Variants in PTPRT observed in about 807,000 individuals in gnomAD.
PTPRT encodes protein tyrosine phosphatase receptor type T, also known as receptor-type tyrosine-protein phosphatase T.
A neutral mutation model predicts 176.8 loss-of-function variants in PTPRT; 56 were observed. The ratio of observed to expected loss-of-function variants is 0.32; its 90% CI spans 0.26 to 0.40. The LOEUF (loss-of-function observed/expected upper bound fraction) is 0.40, where lower values mean the gene tolerates loss of function less well. Ranked by LOEUF, PTPRT falls within the 10% of genes least tolerant of loss-of-function variation. The probability of loss-of-function intolerance (pLI) is 1.00; values close to 1 mark genes in which losing one functional copy is unlikely to be tolerated. For synonymous variants in PTPRT, 783 were observed against 739.0 expected (o/e 1.06, Z -0.96); for missense variants, 1,540 against 1,908.2 (o/e 0.81, Z 3.60).
At chr20:42,211,653 G>A (rs6065442) in intron 15 of PTPRT, among the ~76,000 whole-genome samples, 38,243 of 145,748 alleles carry the variant, frequency 0.26, 6,303 homozygotes, top group African/African-American at 0.46. Context: ...AACAACAGGT[G>A]CTGGAGAGGA....
At chr20:42,401,469 T>C (rs2058906612) in intron 9 of PTPRT, among the ~76,000 whole-genome samples, 1 of 152,274 alleles carries the variant, frequency 6.6e-6, no homozygotes, top group East Asian at 1.9e-4. Context: ...ACAGTAATAA[T>C]GTCTGTAAGG....
chr20:42,541,922 T>C (rs1348774815), intron 7 of PTPRT, among the ~76,000 whole-genome samples: 3 of 152,122 alleles, frequency 2.0e-5, no homozygotes, highest in Admixed American at 6.5e-5. Flanking sequence ...CACCCAAATC[T>C]CCTCTTGAAT....
intron 19 of PTPRT, among the ~76,000 whole-genome samples, chr20:42,123,967 C>T (rs1484850861): frequency 1.3e-5 from 2 of 152,138 alleles, no homozygotes; most frequent in East Asian, 1.9e-4. Context: ...ATGGCCATGT[C>T]CCCAGCACCT....
At chr20:42,190,769 T>C (rs1214410653) in intron 16 of PTPRT, among the ~76,000 whole-genome samples, 3 of 152,214 alleles carry the variant, frequency 2.0e-5, no homozygotes, top group African/African-American at 7.2e-5. Context: ...ACTCAGTGTC[T>C]GTGGCCTTAA....
intron 1 of PTPRT, among the ~76,000 whole-genome samples, chr20:43,094,420 C>T (rs147908327): frequency 0.092 from 6,934 of 75,012 alleles, 272 homozygotes; most frequent in Middle Eastern, 0.16. Flanking sequence ...TTTTTTCAGA[C>T]GGAGTTTCGC....
chr20:42,793,950 G>A lies in PTPRT; in HGVS notation c.215-2484C>T, dbSNP rs149749006. On this transcript the variant is annotated intron_variant, in intron 2 of 30. Coordinates refer to ENST00000373187, the MANE Select transcript of PTPRT (RefSeq NM_007050.6). The stretch of plus-strand genomic sequence containing the variant: ...CTCCTCTCTGAATCCCATGATACCC[G>A]CATGCACATTTCAGCTCCTGTCCTC... Among the ~76,000 whole-genome samples, 705 of 152,222 alleles carry A rather than the reference G, an allele frequency of 4.6e-3. 9 individuals are homozygous for A. Among genetic ancestry groups the A allele is most frequent in the African/African-American group, 0.016 (673 of 41,530 alleles).
chr20:42,602,768 A>G (rs1173541962), intron 7 of PTPRT, among the ~76,000 whole-genome samples: 2 of 152,106 alleles, frequency 1.3e-5, no homozygotes, highest in Non-Finnish European at 2.9e-5. Flanking sequence ...CAGAACAAGG[A>G]GCAGGGGCTT....
At chr20:42,565,479 T>G (rs1364201844) in intron 7 of PTPRT, among the ~76,000 whole-genome samples, 1 of 151,798 alleles carries the variant, frequency 6.6e-6, no homozygotes, top group Non-Finnish European at 1.5e-5. Flanking sequence ...CAGCTGTGAC[T>G]GAGCCTCTGG....
intron 9 of PTPRT, among the ~76,000 whole-genome samples, chr20:42,385,012 A>G (rs2058731806): frequency 6.6e-6 from 1 of 152,134 alleles, no homozygotes; most frequent in African/African-American, 2.4e-5. Context: ...TGGTATGCAA[A>G]TATTTTCTTC....
intron 7 of PTPRT, among the ~76,000 whole-genome samples, chr20:42,536,872 C>T (rs1309867584): frequency 2.0e-5 from 3 of 152,072 alleles, no homozygotes; most frequent in Non-Finnish European, 4.4e-5. Flanking sequence ...TTTGGCAAGA[C>T]CTATATCTAA....
chr20:43,130,337 C>G (rs992466802), intron 1 of PTPRT, among the ~76,000 whole-genome samples: 3 of 152,140 alleles, frequency 2.0e-5, no homozygotes, highest in Non-Finnish European at 4.4e-5. Flanking sequence ...TACCCCACCC[C>G]CTACCCCCAG....
intron 6 of PTPRT, among the ~76,000 whole-genome samples, chr20:42,740,142 T>A (rs181181836): frequency 5.9e-5 from 9 of 152,294 alleles, no homozygotes; most frequent in Non-Finnish European, 1.5e-5. Flanking sequence ...CCCTTGAGGT[T>A]GTTAAACTAC....
intron 22 of PTPRT, among the ~76,000 whole-genome samples, chr20:42,113,066 C>T (rs1987088914): frequency 2.0e-5 from 3 of 152,142 alleles, no homozygotes; most frequent in Admixed American, 2.0e-4. Context: ...TCCAGGTTCC[C>T]AGCTCAGGAA....
downstream of PTPRT, among the ~76,000 whole-genome samples, chr20:42,072,355 T>C (rs1982385730): frequency 6.6e-6 from 1 of 152,208 alleles, no homozygotes; most frequent in Non-Finnish European, 1.5e-5. Context: ...TTCTTTCAAG[T>C]TACTGAGTTT....
At chr20:42,458,856 C>G (rs745704448) in intron 8 of PTPRT, among the ~76,000 whole-genome samples, 1 of 152,062 alleles carries the variant, frequency 6.6e-6, no homozygotes, top group African/African-American at 2.4e-5. Context: ...ATTTGTCTAC[C>G]TGGCACTGTT....
At chr20:42,747,179 G>A (rs1180299814) in intron 6 of PTPRT, among the ~76,000 whole-genome samples, 1 of 152,186 alleles carries the variant, frequency 6.6e-6, no homozygotes, top group Non-Finnish European at 1.5e-5. Flanking sequence ...CTATAAAGGA[G>A]ACAGAACTTT....
intron 1 of PTPRT, among the ~76,000 whole-genome samples, chr20:43,018,346 C>A (rs1985474128): frequency 6.6e-6 from 1 of 152,096 alleles, no homozygotes; most frequent in Non-Finnish European, 1.5e-5. Flanking sequence ...CAGATTACAC[C>A]AAACTCAGAA....
At chr20:42,899,928 T>TGG (rs1273791184) in intron 1 of PTPRT, among the ~76,000 whole-genome samples, 1 of 152,216 alleles carries the variant, frequency 6.6e-6, no homozygotes, top group African/African-American at 2.4e-5. Flanking sequence ...TTGCATGTAC[T>TGG]GGGAACTATG....
At chr20:42,921,651 C>T (rs1258747982) in intron 1 of PTPRT, among the ~76,000 whole-genome samples, 1 of 152,216 alleles carries the variant, frequency 6.6e-6, no homozygotes. Context: ...TACATGTTCA[C>T]TATCTCTTTG....
Sources: gnomAD v4.1 joint callset for allele counts (sites outside exome capture counted in the v4.1 genomes callset) on GRCh38, gnomAD v4.1.1 for gene constraint, MANE v1.5 for transcripts, NCBI Gene and HGNC (gene_info 2026-07-23, HGNC 2026-07-21) for gene names.